Variants in CNTN5 observed in about 807,000 individuals in gnomAD.
CNTN5 encodes contactin 5.
CNTN5 carries 77 observed loss-of-function variants against 129.1 expected under a neutral mutation model. The observed-to-expected ratio is 0.60, with a 90% CI of 0.50 to 0.72. The LOEUF (loss-of-function observed/expected upper bound fraction) is 0.72. Among genes scored for constraint, CNTN5 ranks in the 30% least tolerant of loss-of-function variants. CNTN5 has a pLI of 0.00. For synonymous variants in CNTN5, 509 were observed against 465.6 expected (o/e 1.09, Z -1.20); for missense variants, 1,478 against 1,328.8 (o/e 1.11, Z -1.75).
intron 3 of CNTN5, among the ~76,000 whole-genome samples, chr11:99,557,927 TA>T (rs1375093381): frequency 6.6e-6 from 1 of 151,770 alleles, no homozygotes; most frequent in Non-Finnish European, 1.5e-5. Flanking sequence ...TACTAGTAAT[TA>T]AATAACTGAA....
intron 7 of CNTN5, among the ~76,000 whole-genome samples, chr11:99,941,659 A>G (rs1366663822): frequency 2.7e-5 from 4 of 150,308 alleles, no homozygotes; most frequent in Non-Finnish European, 5.9e-5. Context: ...GCAAATCCAT[A>G]AAGACCTCCC....
chr11:100,317,284 G>C (rs566268422), intron 21 of CNTN5, among the ~76,000 whole-genome samples: 4 of 152,222 alleles, frequency 2.6e-5, no homozygotes, highest in East Asian at 3.9e-4. Context: ...CTTTGTATGG[G>C]GGGGAGGAAA....
At chr11:99,901,801 T>A (rs1256766568) in intron 6 of CNTN5, among the ~76,000 whole-genome samples, 6 of 152,208 alleles carry the variant, frequency 3.9e-5, no homozygotes, top group Non-Finnish European at 8.8e-5. Context: ...GTATACATGG[T>A]GCTAGATGCT....
intron 2 of CNTN5, among the ~76,000 whole-genome samples, chr11:99,489,805 G>C (rs188559900): frequency 5.9e-5 from 9 of 152,254 alleles, no homozygotes; most frequent in African/African-American, 2.2e-4. Flanking sequence ...ATGTGGGAGA[G>C]CAAGTGATGA....
At chr11:99,453,193 T>G (rs185454225) in intron 2 of CNTN5, among the ~76,000 whole-genome samples, 10 of 152,334 alleles carry the variant, frequency 6.6e-5, no homozygotes, top group African/African-American at 2.2e-4. Context: ...ATTAAGATAT[T>G]GATGAATCAT....
intron 2 of CNTN5, among the ~76,000 whole-genome samples, chr11:99,490,325 C>A (rs531299262): frequency 6.4e-4 from 98 of 152,142 alleles, no homozygotes; most frequent in Non-Finnish European, 1.1e-3. Flanking sequence ...TTTCTCCACA[C>A]CATGATTCTG....
At chr11:100,056,771 CA>C (rs1290428042) in intron 9 of CNTN5, among the ~76,000 whole-genome samples, 4 of 151,494 alleles carry the variant, frequency 2.6e-5, no homozygotes, top group African/African-American at 9.7e-5. Context: ...GAGCAGACTC[CA>C]GGACCCTTTT....
intron 1 of CNTN5, among the ~76,000 whole-genome samples, chr11:99,071,909 C>A (rs1865354634): frequency 1.3e-5 from 2 of 151,492 alleles, no homozygotes; most frequent in East Asian, 1.9e-4. Flanking sequence ...AAAGTTTAAG[C>A]TAAGGCATAA....
chr11:100,216,333 T>G (rs1949138346), intron 15 of CNTN5, among the ~76,000 whole-genome samples: 2 of 152,098 alleles, frequency 1.3e-5, no homozygotes, highest in Non-Finnish European at 2.9e-5. Context: ...TAATTTATCC[T>G]GGAAGCCAGT....
At chr11:99,518,189 G>A (rs1480748113) in intron 2 of CNTN5, among the ~76,000 whole-genome samples, 1 of 151,904 alleles carries the variant, frequency 6.6e-6, no homozygotes, top group African/African-American at 2.4e-5. Flanking sequence ...AAGTTCAGTC[G>A]GATGCGTACA....
At chr11:99,459,171 G>A (rs1429883495) in intron 2 of CNTN5, among the ~76,000 whole-genome samples, 1 of 151,912 alleles carries the variant, frequency 6.6e-6, no homozygotes, top group African/African-American at 2.4e-5. Flanking sequence ...TGCTTGGGGT[G>A]AAAAAGAAAG....
chr11:99,101,292 G>A (rs1866723070), intron 1 of CNTN5, among the ~76,000 whole-genome samples: 1 of 116,288 alleles, frequency 8.6e-6, no homozygotes, highest in South Asian at 2.6e-4. Context: ...ATTTGGGTGG[G>A]AACACATGAT....
intron 8 of CNTN5, among the ~76,000 whole-genome samples, chr11:99,986,746 T>A (rs1037334616): frequency 1.3e-5 from 2 of 152,222 alleles, no homozygotes; most frequent in Non-Finnish European, 1.5e-5. Flanking sequence ...TTTTATGTTT[T>A]CTTATACCTA....
chr11:100,267,284 G>C (rs78588384), intron 17 of CNTN5, among the ~76,000 whole-genome samples: 26,845 of 91,628 alleles, frequency 0.29, 3,887 homozygotes, highest in African/African-American at 0.53. Flanking sequence ...CACACACAGA[G>C]AGAGAGAGAA....
chr11:99,980,395 C>T (rs536963097), intron 8 of CNTN5, among the ~76,000 whole-genome samples: 197 of 152,266 alleles, frequency 1.3e-3, no homozygotes, highest in African/African-American at 4.5e-3. Context: ...ACAATTTGTA[C>T]CTCAAGCAAA....
At chr11:99,642,852 G>A (rs1951820390) in intron 3 of CNTN5, among the ~76,000 whole-genome samples, 1 of 152,078 alleles carries the variant, frequency 6.6e-6, no homozygotes, top group Admixed American at 6.6e-5. Context: ...TGAGGTATTA[G>A]CCCTGTGCTT....
chr11:100,347,252 C>G (rs1332388401), intron 23 of CNTN5, among the ~76,000 whole-genome samples: 1 of 152,066 alleles, frequency 6.6e-6, no homozygotes. Context: ...CTTTGAAGCC[C>G]ATCCCTGTAT....
rs573383946 is a variant in CNTN5, at chr11:99,325,345, G to C, written c.-209-1G>C. 9.2e-5 allele frequency: 14 copies of C among 152,096 alleles called. No individual in the cohort carries two copies. The highest frequency in any genetic ancestry group is 2.0e-4 in the Admixed American group (3 of 15,264). 9.4% of individuals were successfully genotyped at this position (152,096 alleles called of 1,614,324 possible). The stretch of plus-strand genomic sequence containing the variant: ...CAATAGTATATATTATTTCTTAACA[G>C]GTGTCTTTAAAGGATTGCCATTTAA... On this transcript the variant is annotated splice_acceptor_variant, in intron 1 of 24. Coordinates refer to ENST00000524871, the MANE Select transcript of CNTN5 (RefSeq NM_014361.4). LOFTEE classifies it low-confidence loss of function (5UTR_SPLICE).
chr11:99,875,874 T>C (rs1948620840), intron 6 of CNTN5, among the ~76,000 whole-genome samples: 1 of 152,138 alleles, frequency 6.6e-6, no homozygotes, highest in Non-Finnish European at 1.5e-5. Flanking sequence ...TAAGCACTGT[T>C]ATATAAGGTC....
Sources: gnomAD v4.1 joint callset for allele counts (sites outside exome capture counted in the v4.1 genomes callset) on GRCh38, gnomAD v4.1.1 for gene constraint, MANE v1.5 for transcripts, NCBI Gene and HGNC (gene_info 2026-07-23, HGNC 2026-07-21) for gene names.